Variants in ZDBF2 observed in about 807,000 individuals in gnomAD.
ZDBF2 encodes the protein zinc finger DBF-type containing 2.
Under a neutral mutation model 9.4 loss-of-function variants are expected in ZDBF2, and 6 were observed. The observed-to-expected ratio is 0.64, with a 90% confidence interval of 0.35 to 1.27. The LOEUF is 1.27. Among genes scored for constraint, ZDBF2 ranks in the 50% most tolerant of loss-of-function variants. The pLI, the probability that ZDBF2 is intolerant of heterozygous loss-of-function variation, is 0.03. For missense variants in ZDBF2, 2,697 were observed against 2,766.8 expected, an observed-to-expected ratio of 0.97 and a Z score of 0.57; for synonymous variants, 905 against 946.3, an observed-to-expected ratio of 0.96 and a Z score of 0.80.
At position 206,304,852 on chromosome 2, in the gene ZDBF2, C is replaced by T. The variant is rs199768532; in HGVS notation, c.324C>T (p.Ser108=). 64 of 1,613,602 alleles carry T rather than the reference C, an allele frequency of 4.0e-5. 1 individual carries two copies. The highest frequency in any genetic ancestry group is 2.2e-4 in the South Asian group (20 of 91,058). ...AGGATGCTACCGAAGAGAGACCATC[C>T]GAGGTTTCAGAACCTATTGAAGAGT... is the stretch of plus-strand genomic sequence containing the variant. The part of the protein sequence containing the change: ...EDEDATEERP[S]EVSEPIEELH... The change falls in exon 5 of 5, where the codon TCC becomes TCT. Residue 108 remains serine, a synonymous_variant. Transcript: ENST00000374423.
At chr2:206,288,184 A>G (rs528133221) in intron 3 of ZDBF2, among the ~76,000 whole-genome samples, 1 of 152,322 alleles carries the variant, frequency 6.6e-6, no homozygotes, top group South Asian at 2.1e-4. Context: ...TACTTCTTCC[A>G]TACTTTCTGG....
rs1258185738 is a variant in ZDBF2, at chr2:206,309,562, C to T, written c.5034C>T (p.His1678=). The T allele has an allele frequency of 1.2e-6, 2 of 1,613,876 alleles. No homozygotes were observed. The highest frequency in any genetic ancestry group is 1.7e-6 in the Non-Finnish European group (2 of 1,179,906). The part of the protein sequence containing the change: ...NLEDTSHRTT[H]RLQKAHKEAS... ...AAGACACTTCTCATCGAACGACTCA[C>T]CGACTGCAGAAAGCTCACAAAGAAG... The change falls in exon 5 of 5, where the codon CAC becomes CAT. Residue 1678 remains histidine (H), a synonymous_variant. Coordinates refer to ENST00000374423, the MANE Select transcript of ZDBF2 (RefSeq NM_020923.3).
chr2:206,307,257 A>G lies in ZDBF2; in HGVS notation c.2729A>G (p.Glu910Gly). 6.2e-7 allele frequency: 1 copy of G among 1,607,008 alleles called. No homozygotes were observed. Among genetic ancestry groups the G allele is most frequent in the Non-Finnish European group, 8.5e-7 (1 of 1,178,114 alleles). ...EQVHLENKEN[E>G]PIDSEVSLDY... ...GTACACTTAGAAAATAAGGAAAATG[A>G]ACCTATTGATTCTGAAGTAAGTTTG... Residue 910 changes from glutamate to glycine, a missense_variant, in exon 5 of 5, where the codon GAA becomes GGA. Around this residue, in one of 3 missense-constraint regions of ZDBF2, gnomAD observed 1,783 missense variants for 1,776.5 expected, o/e 1.00. Transcript: ENST00000374423.
chr2:206,307,269 C>G lies in ZDBF2; in HGVS notation c.2741C>G (p.Ser914Cys), dbSNP rs1574418660. 6.2e-7 allele frequency: 1 copy of G among 1,607,166 alleles called. No homozygotes were observed. The highest frequency in any genetic ancestry group is 2.2e-5 in the East Asian group (1 of 44,834). The change falls in exon 5 of 5, where the codon TCT (serine) becomes TGT (cysteine). Residue 914 changes from serine to cysteine, a missense_variant. Coordinates refer to ENST00000374423, the MANE Select transcript of ZDBF2 (RefSeq NM_020923.3). ...AATAAGGAAAATGAACCTATTGATTCTGAAGTAAGTTTGGATTATAATATC... is the reference window on the plus strand; with the variant it reads ...AATAAGGAAAATGAACCTATTGATTGTGAAGTAAGTTTGGATTATAATATC... ...LENKENEPID[S>C]EVSLDYNIIF...
Position 206,309,072 on chromosome 2 carries a change from G to T in ZDBF2, c.4544G>T (p.Gly1515Val). 6.2e-7 allele frequency: 1 copy of T among 1,613,818 alleles called. No homozygotes were observed. Among genetic ancestry groups the T allele is most frequent in the Non-Finnish European group, 8.5e-7 (1 of 1,179,840 alleles). Residue 1515 changes from glycine (G) to valine (V), a missense_variant, in exon 5 of 5, where the codon GGA (glycine) becomes GTA (valine). By Grantham distance (109) the Gly-to-Val change is moderately radical. Transcript: ENST00000374423. Reference protein sequence around the residue: ...PFQIVVNQFPGSVKETHLPKV... With the variant: ...PFQIVVNQFPVSVKETHLPKV... ...CAAATAGTAGTTAACCAATTTCCAG[G>T]ATCAGTCAAAGAAACCCACCTTCCA...
At position 206,306,644 on chromosome 2, in the gene ZDBF2, C is replaced by G. The variant is rs199675121; in HGVS notation, c.2116C>G (p.Leu706Val). ...GAGTGTTCAGTCTAGCCGTTCTTCT[C>G]TGAGTTCTGATTCTCCGGCTTCTCT... ...NKSVQSSRSS[L>V]SSDSPASLYH... The change falls in exon 5 of 5, where the codon CTG becomes GTG. Residue 706 changes from leucine to valine, a missense_variant. Physicochemically the swap from Leu to Val is conservative, Grantham distance 32. Transcript: ENST00000374423. 1.9e-6 allele frequency: 3 copies of G among 1,613,758 alleles called. No individual in the cohort carries two copies. The East Asian group carries it at 6.7e-5, about 36-fold the overall frequency.
At chr2:206,276,308 A>G (rs908559065) in intron 1 of ZDBF2, among the ~76,000 whole-genome samples, 16 of 152,104 alleles carry the variant, frequency 1.1e-4, no homozygotes, top group African/African-American at 3.9e-4. Context: ...TTTTGTGAAA[A>G]ATCTTTTAAG....
chr2:206,313,082 A>G lies in ZDBF2; in HGVS notation c.*1489A>G, dbSNP rs1241238253. On this transcript the variant is annotated 3_prime_UTR_variant, in exon 5 of 5. Coordinates refer to ENST00000374423, the MANE Select transcript of ZDBF2 (RefSeq NM_020923.3). The stretch of plus-strand genomic sequence containing the variant: ...CTTCTATCATTAATGTTAAGAGGAA[A>G]CATGAATTACAACTATATTGTATGA... 1 of 152,170 alleles carries G rather than the reference A, an allele frequency of 6.6e-6. No individual in the cohort carries two copies. Among genetic ancestry groups the G allele is most frequent in the African/African-American group, 2.4e-5 (1 of 41,446 alleles). The allele number at this position is 152,170 out of a possible 1,614,324, so 9.4% of individuals were successfully genotyped here. A position where few individuals can be genotyped will look rare whatever the true frequency, so the allele number is the denominator to read the frequency against.
chr2:206,301,613 A>G (rs746230126), intron 4 of ZDBF2, among the ~76,000 whole-genome samples: 9 of 152,136 alleles, frequency 5.9e-5, no homozygotes, highest in Non-Finnish European at 1.3e-4. Context: ...TCCCATGCCA[A>G]TAGTACATTA....
Position 206,281,867 on chromosome 2 carries a change from A to G in ZDBF2, c.18A>G (p.Gly6=), listed in dbSNP as rs1485761747. ...TATTCAAGATGCAGAAAAGACAAGG[A>G]TATTGCAGTTATTGCCGTGTGCAGT... MQKRQ[G]YCSYCRVQYN... is the part of the protein sequence containing the mutation. Residue 6 remains glycine (G), a synonymous_variant, in exon 3 of 5, where the codon GGA becomes GGG. Coordinates refer to ENST00000374423, the MANE Select transcript of ZDBF2 (RefSeq NM_020923.3). 2 of 1,613,474 alleles carry G rather than the reference A, an allele frequency of 1.2e-6. No individual in the cohort carries two copies. Among genetic ancestry groups the G allele is most frequent in the Non-Finnish European group, 1.7e-6 (2 of 1,179,640 alleles).
intron 3 of ZDBF2, among the ~76,000 whole-genome samples, chr2:206,292,971 C>T (rs1351865565): frequency 6.6e-6 from 1 of 151,470 alleles, no homozygotes; most frequent in Non-Finnish European, 1.5e-5. Context: ...AAAGCCAATT[C>T]CAAAAATAAA....
chr2:206,301,423 A>G (rs192677202), intron 4 of ZDBF2, among the ~76,000 whole-genome samples: 1 of 151,840 alleles, frequency 6.6e-6, no homozygotes, highest in Admixed American at 6.6e-5. Context: ...TTAAATATTT[A>G]TAACCATCTT....
Position 206,306,990 on chromosome 2 carries a change from G to T in ZDBF2, c.2462G>T (p.Ser821Ile). 6.2e-7 allele frequency: 1 copy of T among 1,613,654 alleles called. No homozygotes were observed. The highest frequency in any genetic ancestry group is 8.5e-7 in the Non-Finnish European group (1 of 1,179,752). The change falls in exon 5 of 5, where the codon AGT becomes ATT. Residue 821 changes from serine to isoleucine, a missense_variant. By Grantham distance (142) the Ser-to-Ile change is moderately radical. Around this residue, in one of 3 missense-constraint regions of ZDBF2, gnomAD observed 910 missense variants for 973.6 expected, o/e 0.93. Coordinates refer to ENST00000374423, the MANE Select transcript of ZDBF2 (RefSeq NM_020923.3). ...EEETVDLESK[S>I]NESCVSEITF... ...GAAACTGTTGATCTGGAAAGTAAAA[G>T]TAATGAATCTTGTGTCTCTGAAATA...
At position 206,313,769 on chromosome 2, in the gene ZDBF2, C is replaced by G. The variant is rs1486616473; in HGVS notation, c.*2176C>G. ...TCACATTGGAAGCCCTTCTAAGTACCATTTTCATTGGGGGCAGGGAGAAGG... is the reference window on the plus strand; with the variant it reads ...TCACATTGGAAGCCCTTCTAAGTACGATTTTCATTGGGGGCAGGGAGAAGG... On this transcript the variant is annotated 3_prime_UTR_variant, in exon 5 of 5. Coordinates refer to ENST00000374423, the MANE Select transcript of ZDBF2 (RefSeq NM_020923.3). 6.6e-6 allele frequency: 1 copy of G among 152,024 alleles called. No individual in the cohort carries two copies. The highest frequency in any genetic ancestry group is 6.6e-5 in the Admixed American group (1 of 15,252). 9.4% of individuals were successfully genotyped at this position (152,024 alleles called of 1,614,324 possible). A position where few individuals can be genotyped will look rare whatever the true frequency, so the allele number is the denominator to read the frequency against.
In ZDBF2 at chr2:206,312,446, A is replaced by G. The variant is rs1276536650; in HGVS notation, c.*853A>G. On this transcript the variant is annotated 3_prime_UTR_variant, in exon 5 of 5. Transcript: ENST00000374423. Reference sequence around the variant, plus strand: ...TTATTATTTTTTGAGACAGAGTCTCACTGTCTTGCCCAGGCTGGAGTGCAG... The same window carrying G: ...TTATTATTTTTTGAGACAGAGTCTCGCTGTCTTGCCCAGGCTGGAGTGCAG... The G allele has an allele frequency of 6.6e-6, 1 of 152,032 alleles. No homozygotes were observed. Among genetic ancestry groups the G allele is most frequent in the African/African-American group, 2.4e-5 (1 of 41,376 alleles). 9.4% of individuals were successfully genotyped at this position (152,032 alleles called of 1,614,324 possible). A position where few individuals can be genotyped will look rare whatever the true frequency, so the allele number is the denominator to read the frequency against.
At chr2:206,295,844 A>C (rs1692146158) in intron 3 of ZDBF2, among the ~76,000 whole-genome samples, 1 of 152,078 alleles carries the variant, frequency 6.6e-6, no homozygotes, top group Admixed American at 6.6e-5. Context: ...TACTCCACTA[A>C]ATAATATTAG....
Position 206,307,809 on chromosome 2 carries a change from T to C in ZDBF2, c.3281T>C (p.Ile1094Thr), listed in dbSNP as rs996040041. The change falls in exon 5 of 5, where the codon ATA becomes ACA. Residue 1094 changes from isoleucine (I) to threonine (T), a missense_variant. Physicochemically the swap from Ile to Thr is moderately conservative, Grantham distance 89. Coordinates refer to ENST00000374423, the MANE Select transcript of ZDBF2 (RefSeq NM_020923.3). ...CAACTTCAGGAAGCGGTTAAAAAAATAGACCAATGGAAGGAAGAGGTTATT... is the reference window on the plus strand; with the variant it reads ...CAACTTCAGGAAGCGGTTAAAAAAACAGACCAATGGAAGGAAGAGGTTATT... The part of the protein sequence containing the change: ...SEQLQEAVKK[I>T]DQWKEEVIGL... The C allele has an allele frequency of 2.5e-6, 4 of 1,610,480 alleles. No homozygotes were observed. Among genetic ancestry groups the C allele is most frequent in the Non-Finnish European group, 3.4e-6 (4 of 1,179,026 alleles).
At position 206,307,418 on chromosome 2, in the gene ZDBF2, C is replaced by T. The variant is rs201022296; in HGVS notation, c.2890C>T (p.Leu964Phe). The change falls in exon 5 of 5, where the codon CTT becomes TTT. Residue 964 changes from leucine (L) to phenylalanine (F), a missense_variant. This residue lies in a region of ZDBF2 where 1,783 missense variants were observed against 1,776.5 expected (regional missense o/e 1.00). Coordinates refer to ENST00000374423, the MANE Select transcript of ZDBF2 (RefSeq NM_020923.3). ...FETSLDSDVP[L>F]QAATHKPEVI... Reference sequence around the variant, plus strand: ...AACAAGTTTGGATTCTGATGTCCCTCTTCAGGCAGCGACTCACAAACCTGA... The same window carrying T: ...AACAAGTTTGGATTCTGATGTCCCTTTTCAGGCAGCGACTCACAAACCTGA... The T allele has an allele frequency of 2.1e-3, 3,380 of 1,612,590 alleles. 8 individuals are homozygous for T. Among genetic ancestry groups the T allele is most frequent in the Non-Finnish European group, 2.6e-3 (3,107 of 1,179,524 alleles).
At chr2:206,302,867 T>G (rs1306578932) in intron 4 of ZDBF2, among the ~76,000 whole-genome samples, 2 of 152,118 alleles carry the variant, frequency 1.3e-5, no homozygotes, top group African/African-American at 4.8e-5. Flanking sequence ...CATCTCAAAT[T>G]GGAAAAATTC....
Sources: gnomAD v4.1 joint callset for allele counts (sites outside exome capture counted in the v4.1 genomes callset) on GRCh38, gnomAD v4.1.1 for gene constraint, gnomAD v4.1.1 regional missense constraint, MANE v1.5 for transcripts, NCBI Gene and HGNC (gene_info 2026-07-23, HGNC 2026-07-21) for gene names.